The following LRRN1 variants were observed in gnomAD, a reference collection of about 807,000 sequenced individuals.
LRRN1 encodes the protein leucine rich repeat neuronal 1.
In LRRN1, 14 loss-of-function variants were observed where a neutral mutation model predicts 45.8. That is an observed-to-expected ratio of 0.31 (90% confidence interval 0.20 to 0.48). The LOEUF (loss-of-function observed/expected upper bound fraction) is 0.48. LRRN1 is among the 20% of genes least tolerant of loss of function. LRRN1 has a pLI of 0.99. For missense variants in LRRN1, 789 were observed against 874.2 expected (o/e 0.90, Z 1.23); for synonymous variants, 359 against 330.1 (o/e 1.09, Z -0.95).
At chr3:3,831,160 T>C (rs1237270989) in intron 1 of LRRN1, among the ~76,000 whole-genome samples, 2 of 152,174 alleles carry the variant, frequency 1.3e-5, no homozygotes, top group Admixed American at 6.5e-5. Context: ...GTTCACTTGA[T>C]AAATGGGCCG....
At chr3:3,800,370 G>T (rs140926066) in intron 1 of LRRN1, among the ~76,000 whole-genome samples, 1 of 152,234 alleles carries the variant, frequency 6.6e-6, no homozygotes, top group East Asian at 1.9e-4. Context: ...TGGAAAGAGG[G>T]CCAAGAGGAG....
At chr3:3,821,299 C>T (rs978249267) in intron 1 of LRRN1, among the ~76,000 whole-genome samples, 7 of 152,156 alleles carry the variant, frequency 4.6e-5, no homozygotes, top group Non-Finnish European at 1.0e-4. Context: ...TTCACTTGCT[C>T]AGTAGCCACT....
rs577361491 is a variant in LRRN1, at chr3:3,845,896, A to G, written c.1255A>G (p.Ser419Gly). The stretch of plus-strand genomic sequence containing the variant: ...GAAGGAAGTTTTAATCCAGGATTCG[A>G]GTGAACAGTGCCTCCCAATGATATC... ...QVKEVLIQDS[S>G]EQCLPMISHD... The change falls in exon 2 of 2, where the codon AGT (serine) becomes GGT (glycine). Residue 419 changes from serine to glycine, a missense_variant. Coordinates refer to ENST00000319331, the MANE Select transcript of LRRN1 (RefSeq NM_020873.7). The surrounding 1 kb of genome is among the most constrained non-coding windows in gnomAD (Gnocchi z 6.5). 6.2e-5 allele frequency: 100 copies of G among 1,614,034 alleles called. No individual in the cohort carries two copies. Among genetic ancestry groups the G allele is most frequent in the Non-Finnish European group, 8.4e-5 (99 of 1,180,028 alleles).
At chr3:3,843,177 C>T (rs1007731040) in intron 1 of LRRN1, among the ~76,000 whole-genome samples, 8 of 152,170 alleles carry the variant, frequency 5.3e-5, no homozygotes, top group Non-Finnish European at 1.0e-4. Context: ...GTATGAGCAA[C>T]CCCATTTTAT....
At chr3:3,823,008 C>T (rs1183698331) in intron 1 of LRRN1, 1 of 152,142 alleles carries the variant, frequency 6.6e-6, no homozygotes, top group African/African-American at 2.4e-5. Context: ...TCTACTCTAT[C>T]CTTACCCAAG....
chr3:3,822,978 T>A (rs1693135755), intron 1 of LRRN1: 1 of 152,150 alleles, frequency 6.6e-6, no homozygotes, highest in African/African-American at 2.4e-5. Context: ...TGCTTTAAAC[T>A]TTTTCTAATA....
chr3:3,844,121 G>A (rs895167163), intron 1 of LRRN1, among the ~76,000 whole-genome samples: 3 of 151,962 alleles, frequency 2.0e-5, no homozygotes, highest in African/African-American at 7.3e-5. Flanking sequence ...TATGACTAGT[G>A]GTACATGGAA....
intron 1 of LRRN1, among the ~76,000 whole-genome samples, chr3:3,805,358 A>T (rs1330846654): frequency 6.6e-6 from 1 of 152,250 alleles, no homozygotes; most frequent in Non-Finnish European, 1.5e-5. Context: ...TTGTTATTTC[A>T]CAATAGTGAT....
chr3:3,836,860 AAG>A lies in LRRN1; in HGVS notation c.-278-7503_-278-7502del, dbSNP rs879422588. ...AAGAAGGTTCATCAGTAAAGGAAAA[AAG>A]GGTTACATGTGGTTGGCCTGCTATT... On this transcript the variant is annotated intron_variant, in intron 1 of 1. Transcript: ENST00000319331. Among the ~76,000 whole-genome samples the A allele has an allele frequency of 1.6e-3, 249 of 152,144 alleles. 1 individual carries two copies. The highest frequency in any genetic ancestry group is 3.6e-3 in the Admixed American group (55 of 15,278).
At chr3:3,827,009 CCTTA>C (rs1416482553) in intron 1 of LRRN1, among the ~76,000 whole-genome samples, 1 of 151,900 alleles carries the variant, frequency 6.6e-6, no homozygotes, top group Non-Finnish European at 1.5e-5. Context: ...ACGATCTATG[CCTTA>C]CTTTCATCTT....
At chr3:3,839,958 G>T (rs1051055657) in intron 1 of LRRN1, among the ~76,000 whole-genome samples, 1 of 151,996 alleles carries the variant, frequency 6.6e-6, no homozygotes, top group Non-Finnish European at 1.5e-5. Flanking sequence ...CCATTTGAAT[G>T]CCTTTTATTT....
intron 1 of LRRN1, among the ~76,000 whole-genome samples, chr3:3,817,834 T>A (rs369802219): frequency 4.6e-5 from 7 of 152,220 alleles, no homozygotes; most frequent in Non-Finnish European, 8.8e-5. Flanking sequence ...GAAATGAATG[T>A]GAAAATGTTA....
chr3:3,805,482 G>A (rs1692732669), intron 1 of LRRN1, among the ~76,000 whole-genome samples: 1 of 152,194 alleles, frequency 6.6e-6, no homozygotes, highest in Non-Finnish European at 1.5e-5. Context: ...CTGACCTTCT[G>A]GATGTCCTGC....
At chr3:3,806,240 G>T (rs1285884486) in intron 1 of LRRN1, among the ~76,000 whole-genome samples, 1 of 152,206 alleles carries the variant, frequency 6.6e-6, no homozygotes, top group Non-Finnish European at 1.5e-5. Flanking sequence ...GTGAGCTTCA[G>T]TCTAGTCGGG....
chr3:3,837,674 G>T (rs1693552430), intron 1 of LRRN1, among the ~76,000 whole-genome samples: 1 of 151,864 alleles, frequency 6.6e-6, no homozygotes, highest in African/African-American at 2.4e-5. Flanking sequence ...GATCAGAGCA[G>T]TCTAGTTTGA....
At chr3:3,809,291 C>T (rs2106451985) in intron 1 of LRRN1, among the ~76,000 whole-genome samples, 1 of 152,136 alleles carries the variant, frequency 6.6e-6, no homozygotes, top group South Asian at 2.1e-4. Context: ...TCACAGGTGC[C>T]TGCCACCATG....
intron 1 of LRRN1, among the ~76,000 whole-genome samples, chr3:3,842,171 A>G (rs1693665849): frequency 6.6e-6 from 1 of 152,138 alleles, no homozygotes; most frequent in African/African-American, 2.4e-5. Flanking sequence ...TATTAATACA[A>G]CTGTATGGGA....
At chr3:3,821,975 C>A (rs1388983418) in intron 1 of LRRN1, among the ~76,000 whole-genome samples, 1 of 152,166 alleles carries the variant, frequency 6.6e-6, no homozygotes, top group African/African-American at 2.4e-5. Flanking sequence ...TCTCATATGG[C>A]ATATTGAAAT....
At chr3:3,833,003 C>T (rs1019960204) in intron 1 of LRRN1, among the ~76,000 whole-genome samples, 1 of 152,170 alleles carries the variant, frequency 6.6e-6, no homozygotes, top group African/African-American at 2.4e-5. Flanking sequence ...CCACTTGGCC[C>T]CTGCCACCTT....
Sources: allele counts gnomAD v4.1 joint callset (sites outside exome capture counted in the v4.1 genomes callset), GRCh38; gene constraint gnomAD v4.1.1; non-coding constraint Gnocchi (gnomAD v3.1); transcripts MANE v1.5; gene names NCBI Gene and HGNC (gene_info 2026-07-23, HGNC 2026-07-21).